DLG2: variants seen among roughly 807,000 people sequenced by gnomAD.
The protein encoded by DLG2 is discs large MAGUK scaffold protein 2.
In DLG2, 45 loss-of-function variants were observed where a neutral mutation model predicts 132.5. The observed-to-expected ratio is 0.34, with a 90% CI of 0.27 to 0.44. The LOEUF (loss-of-function observed/expected upper bound fraction) is 0.44, where lower values mean the gene tolerates loss of function less well. DLG2 is among the 20% of genes least tolerant of loss of function. The pLI, the probability that DLG2 is intolerant of heterozygous loss-of-function variation, is 1.00. For missense variants in DLG2, 1,045 were observed against 1,196.9 expected, an observed-to-expected ratio of 0.87 and a Z score of 1.87; for synonymous variants, 424 against 419.6, an observed-to-expected ratio of 1.01 and a Z score of -0.13.
At chr11:84,461,637 TA>T (rs2099080405) in intron 7 of DLG2, among the ~76,000 whole-genome samples, 1 of 151,012 alleles carries the variant, frequency 6.6e-6, no homozygotes, top group Non-Finnish European at 1.5e-5. Context: ...GAAGACTTGA[TA>T]AATGTTCAAG....
intron 11 of DLG2, among the ~76,000 whole-genome samples, chr11:84,050,538 C>A (rs980452343): frequency 2.6e-5 from 4 of 151,936 alleles, no homozygotes; most frequent in Non-Finnish European, 5.9e-5. Flanking sequence ...TCCCATTTGT[C>A]AATTTTGACT....
chr11:84,183,978 T>A (rs1022799232), intron 8 of DLG2, among the ~76,000 whole-genome samples: 5 of 152,014 alleles, frequency 3.3e-5, no homozygotes, highest in Non-Finnish European at 5.9e-5. Flanking sequence ...TCTATCATTG[T>A]TGGACATTTG....
intron 11 of DLG2, among the ~76,000 whole-genome samples, chr11:83,998,144 GA>G (rs959197920): frequency 1.4e-4 from 22 of 151,770 alleles, no homozygotes; most frequent in African/African-American, 4.1e-4. Flanking sequence ...TCAAAAAAAA[GA>G]AAAAAAGAAA....
intron 3 of DLG2, among the ~76,000 whole-genome samples, chr11:85,434,396 G>GA (rs1242109448): frequency 2.0e-5 from 3 of 146,380 alleles, no homozygotes; most frequent in African/African-American, 7.6e-5. Flanking sequence ...TGTTTTTTTT[G>GA]AAAAAATTTT....
intron 6 of DLG2, among the ~76,000 whole-genome samples, chr11:84,882,916 T>C (rs1006555213): frequency 1.3e-5 from 2 of 152,016 alleles, no homozygotes; most frequent in Non-Finnish European, 2.9e-5. Flanking sequence ...ATACAGAATT[T>C]TCAATAGGAA....
At chr11:84,889,815 A>G (rs1221664324) in intron 6 of DLG2, among the ~76,000 whole-genome samples, 1 of 152,168 alleles carries the variant, frequency 6.6e-6, no homozygotes, top group Non-Finnish European at 1.5e-5. Context: ...TTGTTTTGAT[A>G]CATCCATCCT....
At chr11:83,635,013 G>A (rs930927367) in intron 18 of DLG2, among the ~76,000 whole-genome samples, 1 of 152,094 alleles carries the variant, frequency 6.6e-6, no homozygotes, top group African/African-American at 2.4e-5. Flanking sequence ...AAAATCTATT[G>A]ACTATAATTT....
chr11:83,698,129 G>A (rs149265478), intron 18 of DLG2, among the ~76,000 whole-genome samples: 2 of 152,232 alleles, frequency 1.3e-5, no homozygotes, highest in African/African-American at 4.8e-5. Context: ...TCACAGGGTT[G>A]TGATGGGGAG....
intron 7 of DLG2, among the ~76,000 whole-genome samples, chr11:84,496,415 G>A (rs554574170): frequency 1.1e-4 from 16 of 152,214 alleles, no homozygotes; most frequent in Admixed American, 3.9e-4. Context: ...TATATTTTGT[G>A]CCTGCTACAT....
At chr11:84,925,095 C>T (rs2092927442) in intron 6 of DLG2, among the ~76,000 whole-genome samples, 1 of 152,158 alleles carries the variant, frequency 6.6e-6, no homozygotes, top group Non-Finnish European at 1.5e-5. Flanking sequence ...TAAAAACCTA[C>T]TTTATTCAAC....
At chr11:84,023,583 A>AAATTGTATAG (rs1165617550) in intron 11 of DLG2, among the ~76,000 whole-genome samples, 29 of 152,324 alleles carry the variant, frequency 1.9e-4, no homozygotes, top group African/African-American at 5.0e-4. Flanking sequence ...ACATGGGTTC[A>AAATTGTATAG]AATTGTATAG....
chr11:83,796,531 T>C (rs1254169203), intron 17 of DLG2, among the ~76,000 whole-genome samples: 1 of 152,202 alleles, frequency 6.6e-6, no homozygotes, highest in Non-Finnish European at 1.5e-5. Flanking sequence ...ACCTCCTGTG[T>C]CAGGGAATTC....
intron 3 of DLG2, among the ~76,000 whole-genome samples, chr11:85,385,856 CT>C (rs1400204561): frequency 6.6e-6 from 1 of 152,098 alleles, no homozygotes; most frequent in East Asian, 1.9e-4. Context: ...TGTTAAATCC[CT>C]GTTTCAGAAG....
At chr11:85,243,502 G>A (rs1198576353) in intron 4 of DLG2, among the ~76,000 whole-genome samples, 1 of 151,914 alleles carries the variant, frequency 6.6e-6, no homozygotes, top group Non-Finnish European at 1.5e-5. Context: ...GTTACCATTA[G>A]TCTTTTTCAT....
chr11:83,856,039 T>C (rs2060489618), intron 16 of DLG2, among the ~76,000 whole-genome samples: 2 of 152,160 alleles, frequency 1.3e-5, no homozygotes, highest in African/African-American at 4.8e-5. Context: ...ACTATGTGTT[T>C]ATGTGTTCTC....
At chr11:84,288,145 G>A (rs2097935681) in intron 7 of DLG2, among the ~76,000 whole-genome samples, 1 of 151,902 alleles carries the variant, frequency 6.6e-6, no homozygotes, top group Non-Finnish European at 1.5e-5. Context: ...TATTTACAAT[G>A]TACATTTGGA....
chr11:84,877,512 CTTTTTTTTTTTTTT>C (rs60339036), intron 6 of DLG2, among the ~76,000 whole-genome samples: 3 of 57,444 alleles, frequency 5.2e-5, no homozygotes, highest in African/African-American at 7.6e-5. Flanking sequence ...GCAACCCCTG[CTTTTTTTTTTTTTT>C]TTTTTTTTGC....
At position 85,558,724 on chromosome 11, in the gene DLG2, C is replaced by T. The variant is rs191585901; in HGVS notation, c.40+39933G>A. On this transcript the variant is annotated intron_variant, in intron 3 of 27. Transcript: ENST00000376104. ...CAAATACCCCATGTTCTCACTTATA[C>T]ATAGGAGCTGAATATTGGATACTCA... is the stretch of plus-strand genomic sequence containing the variant. Among the ~76,000 whole-genome samples, 8 of 151,800 alleles carry T rather than the reference C, an allele frequency of 5.3e-5. No individual in the cohort carries two copies. In the East Asian group the frequency reaches 1.4e-3, roughly 26 times the overall value.
At chr11:85,220,552 T>C (rs1018546712) in intron 4 of DLG2, among the ~76,000 whole-genome samples, 1 of 151,824 alleles carries the variant, frequency 6.6e-6, no homozygotes, top group African/African-American at 2.4e-5. Flanking sequence ...TAAATAGTCA[T>C]TGCAAGATGC....
Sources: allele counts gnomAD v4.1 joint callset (sites outside exome capture counted in the v4.1 genomes callset), GRCh38; gene constraint gnomAD v4.1.1; transcripts MANE v1.5; gene names NCBI Gene and HGNC (gene_info 2026-07-23, HGNC 2026-07-21).